CR1L: variants seen among roughly 807,000 people sequenced by gnomAD.
CR1L encodes the protein complement C3b/C4b receptor 1 like, also known as complement component receptor 1-like protein.
CR1L carries 59 observed loss-of-function variants against 62.3 expected under a neutral mutation model. The observed-to-expected ratio is 0.95, with a 90% CI of 0.77 to 1.18. The LOEUF is 1.18. Among genes scored for constraint, CR1L ranks in the 50% most tolerant of loss-of-function variants. The pLI is 0.00. For synonymous variants in CR1L, 279 were observed against 248.7 expected (o/e 1.12, Z -1.15); for missense variants, 700 against 702.8 (o/e 1.00, Z 0.04).
At chr1:207,682,916 C>A (rs1458824141) in intron 3 of CR1L, among the ~76,000 whole-genome samples, 1 of 151,630 alleles carries the variant, frequency 6.6e-6, no homozygotes, top group Non-Finnish European at 1.5e-5. Flanking sequence ...GTGTTCAGTT[C>A]TTTTTGGTCA....
At position 207,708,182 on chromosome 1, in the gene CR1L, C is replaced by A; in HGVS notation, c.1333C>A (p.Arg445=). The part of the protein sequence containing the change: ...RINYSCTTGH[R]LIGHSSAECI... ...TTTTCCATTTTTTGCCTTTAGGCAC[C>A]GACTCATTGGTCACTCATCTGCTGA... Residue 445 remains arginine, a synonymous_variant, in exon 10 of 12, where the codon CGA becomes AGA. Coordinates refer to ENST00000508064, the MANE Select transcript of CR1L (RefSeq NM_175710.2). 3 of 1,611,280 alleles carry A rather than the reference C, an allele frequency of 1.9e-6. No individual in the cohort carries two copies. The South Asian group carries it at 3.3e-5, about 18-fold the overall frequency.
chr1:207,704,388 A>G (rs891277685), intron 9 of CR1L, among the ~76,000 whole-genome samples: 3 of 152,252 alleles, frequency 2.0e-5, no homozygotes, highest in Non-Finnish European at 2.9e-5. Flanking sequence ...AGATGCCATG[A>G]GCATTGTTAA....
At chr1:207,657,487 A>G (rs1663335231) in intron 1 of CR1L, 3 of 453,910 alleles carry the variant, frequency 6.6e-6, no homozygotes, top group Non-Finnish European at 1.2e-5. Flanking sequence ...TTCTAGCTAG[A>G]GTTCTCTATT....
intron 1 of CR1L, among the ~76,000 whole-genome samples, chr1:207,652,315 G>C (rs1459536086): frequency 6.6e-6 from 1 of 152,206 alleles, no homozygotes; most frequent in Non-Finnish European, 1.5e-5. Context: ...TCAGTTTATT[G>C]TCGAATGTTT....
intron 1 of CR1L, among the ~76,000 whole-genome samples, chr1:207,656,405 AAATT>A (rs1663311266): frequency 6.6e-6 from 1 of 152,218 alleles, no homozygotes. Flanking sequence ...TTTTCTCATT[AAATT>A]GTCAGCATTT....
At chr1:207,671,213 G>A (rs1032726736) in intron 1 of CR1L, among the ~76,000 whole-genome samples, 2 of 150,896 alleles carry the variant, frequency 1.3e-5, no homozygotes, top group African/African-American at 5.0e-5. Context: ...GGTAGTGCAT[G>A]TGACAGCGTT....
chr1:207,685,798 C>T (rs1171454204), intron 4 of CR1L, among the ~76,000 whole-genome samples: 3 of 152,110 alleles, frequency 2.0e-5, no homozygotes, highest in African/African-American at 7.2e-5. Context: ...GCATGTGCCT[C>T]ACCAGCTCTA....
At chr1:207,697,475 TAGCA>T (rs756080796) in intron 5 of CR1L, 24 bp from the exon 6 acceptor site, 3 of 1,613,666 alleles carry the variant, frequency 1.9e-6, no homozygotes, top group Non-Finnish European at 2.5e-6. Context: ...TTCACACAAT[TAGCA>T]GTACTTTGTT....
chr1:207,663,970 ATAATGT>A (rs1437574116), intron 1 of CR1L, among the ~76,000 whole-genome samples: 1 of 151,812 alleles, frequency 6.6e-6, no homozygotes, highest in Non-Finnish European at 1.5e-5. Flanking sequence ...TCCACACCTC[ATAATGT>A]TATTCTTTTT....
intron 1 of CR1L, chr1:207,652,799 G>A (rs1384894416): frequency 3.1e-6 from 2 of 654,102 alleles, no homozygotes; most frequent in Non-Finnish European, 2.8e-6. Flanking sequence ...ACATTTTAGG[G>A]TACATATTCC....
At chr1:207,715,483 C>T in intron 10 of CR1L, 1 of 755,694 alleles carries the variant, frequency 1.3e-6, no homozygotes, top group Non-Finnish European at 2.2e-6. Context: ...TTGTCTGGAT[C>T]TTTACTTAAC....
At chr1:207,692,616 T>A (rs1664014164) in intron 4 of CR1L, among the ~76,000 whole-genome samples, 1 of 152,142 alleles carries the variant, frequency 6.6e-6, no homozygotes, top group African/African-American at 2.4e-5. Context: ...TTCTTTAAAC[T>A]CACCAATTAG....
chr1:207,678,994 T>C (rs906163464), intron 3 of CR1L, among the ~76,000 whole-genome samples: 8 of 122,338 alleles, frequency 6.5e-5, no homozygotes, highest in African/African-American at 2.6e-4. Flanking sequence ...GTGTCCAAAG[T>C]TCTTTTTTTT....
intron 4 of CR1L, among the ~76,000 whole-genome samples, chr1:207,693,064 C>A (rs866213817): frequency 6.6e-6 from 1 of 152,174 alleles, no homozygotes; most frequent in South Asian, 2.1e-4. Context: ...TTTCCTGCTG[C>A]TTTTATGGAT....
chr1:207,710,537 T>C (rs1285320732), intron 10 of CR1L: 25 of 1,609,214 alleles, frequency 1.6e-5, no homozygotes, highest in Non-Finnish European at 2.0e-5. Context: ...CTCCATATAC[T>C]GCACCAGCAA....
intron 3 of CR1L, among the ~76,000 whole-genome samples, chr1:207,683,071 T>C (rs1397720832): frequency 1.3e-5 from 2 of 149,730 alleles, no homozygotes; most frequent in Non-Finnish European, 3.0e-5. Context: ...TCTTTCTTTC[T>C]CTTTCTTTCT....
At chr1:207,665,879 T>A (rs1363507862) in intron 1 of CR1L, among the ~76,000 whole-genome samples, 1 of 152,218 alleles carries the variant, frequency 6.6e-6, no homozygotes, top group Non-Finnish European at 1.5e-5. Flanking sequence ...GACAGTCAGA[T>A]GAAGTAAGGC....
intron 9 of CR1L, among the ~76,000 whole-genome samples, chr1:207,702,416 G>A (rs1287481442): frequency 6.6e-6 from 1 of 152,096 alleles, no homozygotes; most frequent in East Asian, 1.9e-4. Flanking sequence ...CCCTACAATG[G>A]CCTTTAAGTG....
chr1:207,677,548 G>C lies in CR1L; in HGVS notation c.257G>C (p.Ser86Thr), dbSNP rs532220708. 1 of 1,613,812 alleles carries C rather than the reference G, an allele frequency of 6.2e-7. No individual in the cohort carries two copies. Among genetic ancestry groups the C allele is most frequent in the African/African-American group, 1.3e-5 (1 of 75,044 alleles). Reference sequence around the variant, plus strand: ...TGCCTAAAAAACTCAGTCTGGACAAGTGCTAAGGACAAGTGCAAACGTAAG... The same window carrying C: ...TGCCTAAAAAACTCAGTCTGGACAACTGCTAAGGACAAGTGCAAACGTAAG... Reference protein sequence around the residue: ...IICLKNSVWTSAKDKCKRKSC... With the variant: ...IICLKNSVWTTAKDKCKRKSC... The change falls in exon 2 of 12, where the codon AGT becomes ACT. Residue 86 changes from serine (S) to threonine (T), a missense_variant. Transcript: ENST00000508064.
Sources: gnomAD v4.1 joint callset for allele counts (sites outside exome capture counted in the v4.1 genomes callset) on GRCh38, gnomAD v4.1.1 for gene constraint, MANE v1.5 for transcripts, NCBI Gene and HGNC (gene_info 2026-07-23, HGNC 2026-07-21) for gene names.